Variants in HMCN2 observed in about 807,000 individuals in gnomAD.
HMCN2 encodes the protein hemicentin 2.
HMCN2 carries 325 observed loss-of-function variants against 377.5 expected under a neutral mutation model. The ratio of observed to expected loss-of-function variants is 0.86; its 90% confidence interval spans 0.79 to 0.94. The LOEUF (loss-of-function observed/expected upper bound fraction) is 0.94, where lower values mean the gene tolerates loss of function less well. Among genes scored for constraint, HMCN2 ranks in the 40% least tolerant of loss-of-function variants. HMCN2 has a pLI of 0.00. For synonymous variants in HMCN2, 2,007 were observed against 2,046.8 expected (o/e 0.98, Z 0.53); for missense variants, 4,543 against 4,725.3 (o/e 0.96, Z 1.13).
In HMCN2 at chr9:130,267,435, A is replaced by AACAC. The variant is rs36122739; in HGVS notation, c.259+1337_259+1340dup. On this transcript the variant is annotated intron_variant, in intron 1 of 97. Transcript: ENST00000683500. Reference sequence around the variant, plus strand: ...ACAAACAAACAACCCCCCCAAATAAAACACACACACACACACACACACACA... The same window carrying AACAC: ...ACAAACAAACAACCCCCCCAAATAAAACACACACACACACACACACACACACACA... 9.5e-3 allele frequency among the ~76,000 whole-genome samples: 1,385 copies of AACAC among 145,892 alleles called. 9 individuals are homozygous for AACAC. Among genetic ancestry groups the AACAC allele is most frequent in the Non-Finnish European group, 0.013 (893 of 66,766 alleles).
chr9:130,323,959 C>G (rs1264568305), intron 19 of HMCN2, among the ~76,000 whole-genome samples: 1 of 152,234 alleles, frequency 6.6e-6, no homozygotes, highest in East Asian at 1.9e-4. Context: ...GCCTCAGCCT[C>G]CCCAAGTGCT....
At chr9:130,346,063 C>T (rs1417456213) in intron 25 of HMCN2, among the ~76,000 whole-genome samples, 4 of 152,150 alleles carry the variant, frequency 2.6e-5, no homozygotes, top group Non-Finnish European at 5.9e-5. Flanking sequence ...TTAGCTACAA[C>T]AGTCCTGATG....
chr9:130,324,922 C>G (rs1838044106), intron 19 of HMCN2, among the ~76,000 whole-genome samples: 1 of 152,056 alleles, frequency 6.6e-6, no homozygotes. Flanking sequence ...CTGCACCCAG[C>G]CTTGGTGTTG....
rs991657089 is a variant in HMCN2 at position 130,403,150 on chromosome 9, G to A, written c.11879-44G>A. On this transcript the variant is annotated intron_variant, in intron 78 of 97. Transcript: ENST00000683500. ...GAGGCCCGCTGGTTGGAGGAGTTGTGTTAAGGACATTCTCAGGGCCCTCTG... is the reference window on the plus strand; with the variant it reads ...GAGGCCCGCTGGTTGGAGGAGTTGTATTAAGGACATTCTCAGGGCCCTCTG... The A allele has an allele frequency of 3.9e-6, 5 of 1,273,364 alleles. No homozygotes were observed. In the African/African-American group the frequency reaches 7.6e-5, roughly 19 times the overall value. 78.9% of individuals were successfully genotyped at this position (1,273,364 alleles called of 1,614,324 possible).
rs906548677 is a variant in HMCN2, at chr9:130,424,858, C to A, written c.13464C>A (p.Gly4488=). 7.4e-6 allele frequency: 11 copies of A among 1,480,264 alleles called. No individual in the cohort carries two copies. Among genetic ancestry groups the A allele is most frequent in the Non-Finnish European group, 9.0e-6 (10 of 1,110,240 alleles). 91.7% of individuals were successfully genotyped at this position (1,480,264 alleles called of 1,614,324 possible). A position where few individuals can be genotyped will look rare whatever the true frequency, so the allele number is the denominator to read the frequency against. The change falls in exon 88 of 98, where the codon GGC becomes GGA. Residue 4488 remains glycine, a synonymous_variant. Transcript: ENST00000683500. ...GAGAGAGTGGGGAAGCCCTGAATGG[C>A]CACTCTCTGACTGGGGGCAGGTTCC... ...LARESGEALN[G]HSLTGGRFRQ...
Position 130,360,390 on chromosome 9 carries a change from T to C in HMCN2, c.5774-38T>C. On this transcript the variant is annotated intron_variant, in intron 37 of 97. Coordinates refer to ENST00000683500, the MANE Select transcript of HMCN2 (RefSeq NM_001291815.2). The surrounding 1 kb of genome is among the most constrained non-coding windows in gnomAD (Gnocchi z 4.7). ...TCTCTTCCATTCCCCCTTGCTTCTCTCTTCCTTTCCCCCTTGCATCTCTCT... is the reference window on the plus strand; with the variant it reads ...TCTCTTCCATTCCCCCTTGCTTCTCCCTTCCTTTCCCCCTTGCATCTCTCT... The C allele has an allele frequency of 8.4e-6, 10 of 1,196,880 alleles. No homozygotes were observed. Among genetic ancestry groups the C allele is most frequent in the Non-Finnish European group, 9.7e-6 (9 of 925,948 alleles). The allele number at this position is 1,196,880 out of a possible 1,614,324, so 74.1% of individuals were successfully genotyped here.
At position 130,386,882 on chromosome 9, in the gene HMCN2, C is replaced by T. The variant is rs535041794; in HGVS notation, c.9391+358C>T. ...TCTGCCAGTGACCTGCTTCATGGAG[C>T]TTAGTAGAGTGACTTTGTCCCTCAG... On this transcript the variant is annotated intron_variant, in intron 61 of 97. Coordinates refer to ENST00000683500, the MANE Select transcript of HMCN2 (RefSeq NM_001291815.2). Among the ~76,000 whole-genome samples, 3 of 152,314 alleles carry T rather than the reference C, an allele frequency of 2.0e-5. No homozygotes were observed. In the South Asian group the frequency reaches 6.2e-4, roughly 32 times the overall value.
chr9:130,429,410 C>T, intron 93 of HMCN2, 147 bp from the exon 94 acceptor site: 1 of 932,704 alleles, frequency 1.1e-6, no homozygotes, highest in Non-Finnish European at 1.6e-6. Context: ...GGGGGAGGTG[C>T]TGTGAGGGCG....
At chr9:130,277,943 T>TCATCATCATCACCACCACCAC in intron 1 of HMCN2, among the ~76,000 whole-genome samples, 1 of 6,824 alleles carries the variant, frequency 1.5e-4, no homozygotes, top group Non-Finnish European at 2.3e-4. Context: ...ACCACCACCA[T>TCATCATCATCACCACCACCAC]CATCATCATC....
chr9:130,431,397 G>T lies in HMCN2; in HGVS notation c.14678G>T (p.Cys4893Phe). The T allele has an allele frequency of 6.5e-7, 1 of 1,550,054 alleles. No homozygotes were observed. The highest frequency in any genetic ancestry group is 8.7e-7 in the Non-Finnish European group (1 of 1,146,830). Residue 4893 changes from cysteine to phenylalanine, a missense_variant, in exon 96 of 98, where the codon TGT (cysteine) becomes TTT (phenylalanine). Cys to Phe is a radical substitution (Grantham distance 205). Around this residue, in one of 5 missense-constraint regions of HMCN2, gnomAD observed 1,155 missense variants for 1,157.7 expected, o/e 1.00. Transcript: ENST00000683500. The stretch of plus-strand genomic sequence containing the variant: ...GACGAGTGCCGCGTGAGGAACCTGT[G>T]TCAGCACGCCTGCCGCAACACTGAG... ...DLDECRVRNLCQHACRNTEGS... is the reference protein window; with the variant it reads ...DLDECRVRNLFQHACRNTEGS...
rs549811674 is a variant in HMCN2 at position 130,304,190 on chromosome 9, A to G, written c.1544-540A>G. ...TAACTTGTAATCCCTCCATTCTGCC[A>G]TTTGATTTACTCCCTTTTAGGTTTT... is the stretch of plus-strand genomic sequence containing the variant. On this transcript the variant is annotated intron_variant, in intron 10 of 97. Transcript: ENST00000683500. This position sits in a 1 kb window ranked among gnomAD's most constrained non-coding sequence, Gnocchi z 4.3. 2.0e-5 allele frequency among the ~76,000 whole-genome samples: 3 copies of G among 152,310 alleles called. No individual in the cohort carries two copies. The East Asian group carries it at 5.8e-4, about 29-fold the overall frequency.
intron 43 of HMCN2, among the ~76,000 whole-genome samples, chr9:130,367,723 C>T (rs1840771519): frequency 6.6e-6 from 1 of 151,898 alleles, no homozygotes; most frequent in Non-Finnish European, 1.5e-5. Context: ...AGTGGGTCAC[C>T]TGAGGTCAGG....
chr9:130,399,753 C>A, intron 76 of HMCN2, 121 bp downstream of exon 76: 1 of 652,332 alleles, frequency 1.5e-6, no homozygotes, highest in Non-Finnish European at 2.2e-6. Flanking sequence ...CTGGACACCT[C>A]CTCCAGGAAG....
rs947618646 is a variant in HMCN2 at position 130,433,614 on chromosome 9, G to T, written c.15161G>T (p.Arg5054Leu). Residue 5054 changes from arginine (R) to leucine (L), a missense_variant, in exon 98 of 98, where the codon CGG becomes CTG. By Grantham distance (102) the Arg-to-Leu change is moderately radical. Coordinates refer to ENST00000683500, the MANE Select transcript of HMCN2 (RefSeq NM_001291815.2). ...GCGCTCACCCGCGCCGGCCTCTACC[G>T]GCTCACCGTGCGTGCTGCGGCACCG... ...RRALTRAGLY[R>L]LTVRAAAPRH... The T allele has an allele frequency of 1.3e-6, 2 of 1,519,430 alleles. No individual in the cohort carries two copies. The highest frequency in any genetic ancestry group is 2.1e-5 in the Admixed American group (1 of 46,888). 94.1% of individuals were successfully genotyped at this position (1,519,430 alleles called of 1,614,324 possible).
intron 65 of HMCN2, 146 bp downstream of exon 65, chr9:130,391,720 A>G (rs1842331493): frequency 1.3e-6 from 1 of 775,010 alleles, no homozygotes. Flanking sequence ...CTAGAGGACA[A>G]TAGTGCCAGC....
At position 130,423,178 on chromosome 9, in the gene HMCN2, C is replaced by T. The variant is rs548098982; in HGVS notation, c.13381+452C>T. The stretch of plus-strand genomic sequence containing the variant: ...TGGAGAATTGAATTGCCTAGAAAAC[C>T]TAGAGGACTAAGAAGAGTCACCTGC... On this transcript the variant is annotated intron_variant, in intron 87 of 97. Coordinates refer to ENST00000683500, the MANE Select transcript of HMCN2 (RefSeq NM_001291815.2). The surrounding 1 kb of genome is among the most constrained non-coding windows in gnomAD (Gnocchi z 5.5). Among the ~76,000 whole-genome samples the T allele has an allele frequency of 6.6e-6, 1 of 152,256 alleles. No homozygotes were observed. Among genetic ancestry groups the T allele is most frequent in the South Asian group, 2.1e-4 (1 of 4,826 alleles).
intron 14 of HMCN2, among the ~76,000 whole-genome samples, chr9:130,309,306 G>A (rs1554938016): frequency 6.6e-6 from 1 of 151,976 alleles, no homozygotes; most frequent in East Asian, 1.9e-4. Flanking sequence ...CTGAGGTCAG[G>A]AGGTCGAGAC....
At chr9:130,357,372 AGATG>A (rs1316481192) in intron 34 of HMCN2, among the ~76,000 whole-genome samples, 5 of 120,664 alleles carry the variant, frequency 4.1e-5, no homozygotes, top group African/African-American at 1.6e-4. Flanking sequence ...AAGAGTGGGT[AGATG>A]GATGGATGGG....
chr9:130,310,641 C>G (rs1837196418), intron 15 of HMCN2, among the ~76,000 whole-genome samples: 1 of 151,262 alleles, frequency 6.6e-6, no homozygotes, highest in African/African-American at 2.4e-5. Context: ...GGTGTGAACA[C>G]CAGGAGGCGG....
Sources: gnomAD v4.1 joint callset for allele counts (sites outside exome capture counted in the v4.1 genomes callset) on GRCh38, gnomAD v4.1.1 for gene constraint, gnomAD v4.1.1 regional missense constraint, Gnocchi (gnomAD v3.1) non-coding constraint, MANE v1.5 for transcripts, NCBI Gene and HGNC (gene_info 2026-07-23, HGNC 2026-07-21) for gene names.